SCAPER: variants seen among roughly 807,000 people sequenced by gnomAD.
SCAPER encodes the protein S-phase cyclin A associated protein in the ER.
SCAPER carries 98 observed loss-of-function variants against 182.2 expected under a neutral mutation model. The observed-to-expected ratio is 0.54, with a 90% CI of 0.46 to 0.64. SCAPER has a LOEUF of 0.64. SCAPER is among the 30% of genes least tolerant of loss of function. The pLI is 0.00. For synonymous variants in SCAPER, 605 were observed against 564.6 expected, an observed-to-expected ratio of 1.07 and a Z score of -1.01; for missense variants, 1,432 against 1,690.0, an observed-to-expected ratio of 0.85 and a Z score of 2.68.
intron 20 of SCAPER, among the ~76,000 whole-genome samples, chr15:76,677,204 C>T (rs908928322): frequency 2.0e-5 from 3 of 152,104 alleles, no homozygotes; most frequent in Non-Finnish European, 2.9e-5. Context: ...TAAAATGTGA[C>T]TTCTAGCCTC....
intron 21 of SCAPER, among the ~76,000 whole-genome samples, chr15:76,663,823 A>G (rs2056373805): frequency 6.6e-6 from 1 of 152,148 alleles, no homozygotes; most frequent in African/African-American, 2.4e-5. Flanking sequence ...CAAATGGTGT[A>G]TTTTTGACAT....
intron 23 of SCAPER, among the ~76,000 whole-genome samples, chr15:76,530,567 T>C (rs909353452): frequency 1.3e-5 from 2 of 152,208 alleles, no homozygotes; most frequent in Admixed American, 6.5e-5. Flanking sequence ...ATTAACCTCT[T>C]TGTGGTCACA....
Position 76,471,107 on chromosome 15 carries a change from T to G in SCAPER, c.3078+105A>C, listed in dbSNP as rs998571284. On this transcript the variant is annotated intron_variant, in intron 25 of 31. Transcript: ENST00000563290. ...TCTTCTTCTTCTTCTTCTTTTTTTT[T>G]TTTTTCATCTGGAGAGTAACTAAGT... The G allele has an allele frequency of 3.7e-5, 32 of 860,874 alleles. 2 individuals carry two copies. In the African/African-American group the frequency reaches 4.4e-4, roughly 12 times the overall value. 53.3% of individuals were successfully genotyped at this position (860,874 alleles called of 1,614,324 possible). A position where few individuals can be genotyped will look rare whatever the true frequency, so the allele number is the denominator to read the frequency against.
At chr15:76,751,053 C>T (rs1001593170) in intron 15 of SCAPER, among the ~76,000 whole-genome samples, 3 of 151,572 alleles carry the variant, frequency 2.0e-5, no homozygotes, top group Non-Finnish European at 3.0e-5. Flanking sequence ...GATACAAAGT[C>T]AACACACAAA....
chr15:76,520,738 C>A (rs886647998), intron 23 of SCAPER, among the ~76,000 whole-genome samples: 1 of 152,064 alleles, frequency 6.6e-6, no homozygotes, highest in Admixed American at 6.5e-5. Flanking sequence ...AACTAAAGCT[C>A]AGAGAAAATA....
At chr15:76,582,000 T>C (rs1354294585) in intron 22 of SCAPER, among the ~76,000 whole-genome samples, 3 of 152,196 alleles carry the variant, frequency 2.0e-5, no homozygotes, top group Non-Finnish European at 4.4e-5. Flanking sequence ...GACACAGAGC[T>C]AGTATACTGA....
intron 4 of SCAPER, among the ~76,000 whole-genome samples, chr15:76,848,483 G>A (rs958273637): frequency 5.3e-5 from 8 of 151,688 alleles, no homozygotes; most frequent in East Asian, 3.9e-4. Context: ...ACAGGCACCC[G>A]CCACCATACC....
At chr15:76,860,624 CT>C (rs1415774990) in intron 3 of SCAPER, among the ~76,000 whole-genome samples, 6 of 152,092 alleles carry the variant, frequency 3.9e-5, no homozygotes, top group African/African-American at 1.4e-4. Flanking sequence ...CAAAGATAAA[CT>C]TTATAACAAG....
intron 22 of SCAPER, among the ~76,000 whole-genome samples, chr15:76,618,269 A>C (rs1251575051): frequency 3.3e-5 from 5 of 152,192 alleles, no homozygotes; most frequent in African/African-American, 1.2e-4. Context: ...CAAAAAACAA[A>C]AACAAAAACA....
intron 2 of SCAPER, among the ~76,000 whole-genome samples, chr15:76,865,402 T>C (rs1450409034): frequency 1.3e-5 from 2 of 152,138 alleles, no homozygotes; most frequent in Non-Finnish European, 2.9e-5. Flanking sequence ...TGGTAACTTA[T>C]TGCCTATTTA....
At chr15:76,708,469 A>G (rs1328852900) in intron 17 of SCAPER, among the ~76,000 whole-genome samples, 1 of 151,914 alleles carries the variant, frequency 6.6e-6, no homozygotes, top group East Asian at 1.9e-4. Context: ...TGGGGCAGGA[A>G]AAAAAAAGAA....
At chr15:76,557,212 A>G (rs1316484696) in intron 23 of SCAPER, among the ~76,000 whole-genome samples, 3 of 152,194 alleles carry the variant, frequency 2.0e-5, no homozygotes, top group Admixed American at 6.5e-5. Context: ...TGCTATTCCT[A>G]TCAAAGTACC....
In SCAPER at chr15:76,733,366, T is replaced by G. The variant is rs765069311; in HGVS notation, c.1885A>C (p.Ile629Leu). ...EEAKVNEIAF[I>L]NTLEAQNKRH... is the part of the protein sequence containing the mutation. The stretch of plus-strand genomic sequence containing the variant: ...TTATTCTGGGCTTCAAGGGTATTTA[T>G]AAAGGCAATTTCATTTACCTTTAAA... The change falls in exon 16 of 32, where the codon ATA becomes CTA. Residue 629 changes from isoleucine (I) to leucine (L), a missense_variant. Ile to Leu is a conservative substitution (Grantham distance 5). Around this residue, in one of 5 missense-constraint regions of SCAPER, gnomAD observed 88 missense variants for 184.2 expected, o/e 0.48. Transcript: ENST00000563290. 2 of 1,613,196 alleles carry G rather than the reference T, an allele frequency of 1.2e-6. No individual in the cohort carries two copies. The highest frequency in any genetic ancestry group is 2.7e-5 in the African/African-American group (2 of 74,868).
intron 1 of SCAPER, among the ~76,000 whole-genome samples, chr15:76,887,945 C>T (rs2073941819): frequency 6.6e-6 from 1 of 152,180 alleles, no homozygotes; most frequent in African/African-American, 2.4e-5. Flanking sequence ...CCCTCTGGAA[C>T]AAAGCTTCCA....
At chr15:76,584,392 T>G (rs903117322) in intron 22 of SCAPER, among the ~76,000 whole-genome samples, 4 of 152,174 alleles carry the variant, frequency 2.6e-5, no homozygotes, top group Non-Finnish European at 5.9e-5. Flanking sequence ...TTGTACATTT[T>G]TAAATAACAG....
chr15:76,686,110 T>C (rs555034542), intron 20 of SCAPER, among the ~76,000 whole-genome samples: 1 of 152,064 alleles, frequency 6.6e-6, no homozygotes, highest in Non-Finnish European at 1.5e-5. Flanking sequence ...CTAATAGATA[T>C]AAGAATATGA....
chr15:76,397,338 G>C (rs1297806358), intron 27 of SCAPER, among the ~76,000 whole-genome samples: 2 of 151,944 alleles, frequency 1.3e-5, no homozygotes, highest in East Asian at 1.9e-4. Flanking sequence ...TGGCCTTGTA[G>C]AAAGAGTTTG....
At chr15:76,755,813 T>C (rs1326888759) in intron 14 of SCAPER, among the ~76,000 whole-genome samples, 1 of 152,198 alleles carries the variant, frequency 6.6e-6, no homozygotes, top group Non-Finnish European at 1.5e-5. Context: ...TGAAGACACT[T>C]GGGCTGTAGA....
chr15:76,867,927 C>CT (rs921918610), intron 2 of SCAPER, among the ~76,000 whole-genome samples: 2 of 151,870 alleles, frequency 1.3e-5, no homozygotes, highest in Non-Finnish European at 2.9e-5. Context: ...TCTGGGTTTG[C>CT]TTTTTTTTAA....
Sources: gnomAD v4.1 joint callset for allele counts (sites outside exome capture counted in the v4.1 genomes callset) on GRCh38, gnomAD v4.1.1 for gene constraint, gnomAD v4.1.1 regional missense constraint, MANE v1.5 for transcripts, NCBI Gene and HGNC (gene_info 2026-07-23, HGNC 2026-07-21) for gene names.